Variants in ROBO1 observed in about 807,000 individuals in gnomAD.
ROBO1 encodes the protein roundabout homolog 1.
A neutral mutation model predicts 195.9 loss-of-function variants in ROBO1; 149 were observed. The ratio of observed to expected loss-of-function variants is 0.76; its 90% confidence interval spans 0.67 to 0.87. ROBO1 has a LOEUF of 0.87. Ranked by LOEUF, ROBO1 falls within the 40% of genes least tolerant of loss-of-function variation. ROBO1 has a pLI of 0.00. For missense variants in ROBO1, 1,933 were observed against 2,068.3 expected, an observed-to-expected ratio of 0.93 and a Z score of 1.27; for synonymous variants, 816 against 733.2, an observed-to-expected ratio of 1.11 and a Z score of -1.82.
At chr3:79,274,202 A>G (rs2030820874) in intron 2 of ROBO1, among the ~76,000 whole-genome samples, 1 of 152,020 alleles carries the variant, frequency 6.6e-6, no homozygotes, top group South Asian at 2.1e-4. Flanking sequence ...TCCAACAGCT[A>G]CAGAATACAC....
intron 2 of ROBO1, among the ~76,000 whole-genome samples, chr3:79,443,004 T>G (rs2039112806): frequency 6.6e-6 from 1 of 152,224 alleles, no homozygotes; most frequent in African/African-American, 2.4e-5. Context: ...TAAGTTCAGA[T>G]GTCTTTGTCA....
intron 4 of ROBO1, among the ~76,000 whole-genome samples, chr3:78,766,962 T>A (rs1163256117): frequency 1.3e-5 from 2 of 152,208 alleles, no homozygotes; most frequent in Non-Finnish European, 2.9e-5. Context: ...TTCCCTGGTA[T>A]GAAACCCACT....
At chr3:78,646,217 A>G (rs1300072317) in intron 20 of ROBO1, 27 bp from the exon 21 acceptor site, 1 of 1,596,272 alleles carries the variant, frequency 6.3e-7, no homozygotes, top group African/African-American at 1.3e-5. Context: ...AAAAAAAGGA[A>G]CAATTAATAG....
At chr3:79,511,140 G>T (rs1369293327) in intron 2 of ROBO1, among the ~76,000 whole-genome samples, 1 of 152,100 alleles carries the variant, frequency 6.6e-6, no homozygotes, top group Non-Finnish European at 1.5e-5. Context: ...GGTAAAAGAA[G>T]AGTATAATCA....
chr3:79,108,616 A>G (rs747617479), intron 3 of ROBO1, among the ~76,000 whole-genome samples: 1 of 151,840 alleles, frequency 6.6e-6, no homozygotes, highest in Non-Finnish European at 1.5e-5. Flanking sequence ...TACAAGAGCA[A>G]TAGGTTAAAA....
At chr3:79,618,663 T>C (rs140720077) in intron 1 of ROBO1, among the ~76,000 whole-genome samples, 3 of 152,270 alleles carry the variant, frequency 2.0e-5, no homozygotes, top group African/African-American at 4.8e-5. Flanking sequence ...ACCCAAGTGA[T>C]TAAAAAGCCT....
At chr3:79,598,707 C>A (rs1027074238) in intron 1 of ROBO1, among the ~76,000 whole-genome samples, 1 of 151,952 alleles carries the variant, frequency 6.6e-6, no homozygotes, top group Non-Finnish European at 1.5e-5. Context: ...CTATGGCCCC[C>A]TCCATCACCT....
At chr3:79,252,130 T>C (rs2082741138) in intron 2 of ROBO1, among the ~76,000 whole-genome samples, 1 of 152,170 alleles carries the variant, frequency 6.6e-6, no homozygotes, top group South Asian at 2.1e-4. Flanking sequence ...TTTGTAGCTC[T>C]TGCTTAACAC....
At chr3:79,723,683 AAG>A (rs1470278620) in intron 1 of ROBO1, among the ~76,000 whole-genome samples, 2 of 152,194 alleles carry the variant, frequency 1.3e-5, no homozygotes, top group African/African-American at 4.8e-5. Context: ...AAGTAATATT[AAG>A]AGTCATATGA....
chr3:79,687,030 T>C (rs1162530318), intron 1 of ROBO1, among the ~76,000 whole-genome samples: 2 of 152,040 alleles, frequency 1.3e-5, no homozygotes, highest in Non-Finnish European at 2.9e-5. Flanking sequence ...TATAGACCAA[T>C]GGAACAGAAC....
intron 2 of ROBO1, among the ~76,000 whole-genome samples, chr3:79,135,799 G>A (rs911937721): frequency 9.9e-5 from 15 of 151,976 alleles, no homozygotes; most frequent in Admixed American, 8.5e-4. Context: ...CACCACGCCC[G>A]GCTAATTTTG....
rs1386990865 is a variant in ROBO1 at position 78,670,131 on chromosome 3, A to C, written c.1513T>G (p.Leu505Val). 1 of 1,613,494 alleles carries C rather than the reference A, an allele frequency of 6.2e-7. No individual in the cohort carries two copies. Among genetic ancestry groups the C allele is most frequent in the Admixed American group, 1.7e-5 (1 of 59,934 alleles). ...CGGATCTGCAGTACTCCATTCTCCAACTGTTTGATTCGAGAGTCTTGGGTT... is the reference window on the plus strand; with the variant it reads ...CGGATCTGCAGTACTCCATTCTCCACCTGTTTGATTCGAGAGTCTTGGGTT... Reference protein sequence around the residue: ...VSTQDSRIKQLENGVLQIRYA... With the variant: ...VSTQDSRIKQVENGVLQIRYA... Residue 505 changes from leucine to valine, a missense_variant, in exon 11 of 31, where the codon TTG becomes GTG. By Grantham distance (32) the Leu-to-Val change is conservative. This residue lies in a region of ROBO1 where 1,737 missense variants were observed against 1,882.5 expected (regional missense o/e 0.92). Coordinates refer to ENST00000464233, the MANE Select transcript of ROBO1 (RefSeq NM_002941.4).
intron 3 of ROBO1, among the ~76,000 whole-genome samples, chr3:78,998,114 G>T (rs1313236671): frequency 1.3e-5 from 2 of 152,002 alleles, no homozygotes; most frequent in Non-Finnish European, 2.9e-5. Context: ...CATACCCCAT[G>T]GTTTTTCTAA....
chr3:79,405,186 T>C (rs2037500485), intron 2 of ROBO1, among the ~76,000 whole-genome samples: 1 of 152,128 alleles, frequency 6.6e-6, no homozygotes, highest in African/African-American at 2.4e-5. Flanking sequence ...TATAGAACAC[T>C]TTCCAGAGTT....
intron 2 of ROBO1, among the ~76,000 whole-genome samples, chr3:79,482,855 G>T (rs554352353): frequency 6.6e-6 from 1 of 152,220 alleles, no homozygotes; most frequent in East Asian, 1.9e-4. Flanking sequence ...AATAGCGTTT[G>T]ACCAGTGGAA....
chr3:79,766,409 T>G (rs867467475), intron 1 of ROBO1, among the ~76,000 whole-genome samples: 1 of 151,344 alleles, frequency 6.6e-6, no homozygotes, highest in African/African-American at 2.4e-5. Flanking sequence ...AGGAGTGGGA[T>G]GTCTTAGCAT....
chr3:79,753,761 G>A (rs937538037), intron 1 of ROBO1, among the ~76,000 whole-genome samples: 7 of 152,182 alleles, frequency 4.6e-5, no homozygotes, highest in Non-Finnish European at 4.4e-5. Context: ...GGAGAAAGAG[G>A]CAGCAAAGGA....
chr3:79,248,392 A>G (rs2082663204), intron 2 of ROBO1, among the ~76,000 whole-genome samples: 1 of 150,484 alleles, frequency 6.6e-6, no homozygotes, highest in Admixed American at 6.6e-5. Context: ...AAAAAAAAAA[A>G]AAAAAGAGAG....
chr3:79,372,262 A>G (rs1302417534), intron 2 of ROBO1, among the ~76,000 whole-genome samples: 1 of 149,638 alleles, frequency 6.7e-6, no homozygotes, highest in Non-Finnish European at 1.5e-5. Flanking sequence ...GCTGGAGTGC[A>G]GGAGCACGAT....
Sources: gnomAD v4.1 joint callset for allele counts (sites outside exome capture counted in the v4.1 genomes callset) on GRCh38, gnomAD v4.1.1 for gene constraint, gnomAD v4.1.1 regional missense constraint, MANE v1.5 for transcripts, NCBI Gene and HGNC (gene_info 2026-07-23, HGNC 2026-07-21) for gene names.